The following NUBPL variants were observed in gnomAD, a reference collection of about 807,000 sequenced individuals.
NUBPL encodes NUBP iron-sulfur cluster assembly factor, mitochondrial, also known as iron-sulfur cluster transfer protein NUBPL.
NUBPL carries 31 observed loss-of-function variants against 45.7 expected under a neutral mutation model. The observed-to-expected ratio is 0.68, with a 90% CI of 0.51 to 0.92. NUBPL has a LOEUF of 0.92. Ranked by LOEUF, NUBPL falls within the 40% of genes least tolerant of loss-of-function variation. The pLI is 0.00. For synonymous variants in NUBPL, 144 were observed against 140.9 expected (o/e 1.02, Z -0.15); for missense variants, 401 against 398.7 (o/e 1.01, Z -0.05).
At chr14:31,612,923 C>G (rs1428408575) in intron 4 of NUBPL, among the ~76,000 whole-genome samples, 1 of 152,040 alleles carries the variant, frequency 6.6e-6, no homozygotes, top group East Asian at 1.9e-4. Context: ...ACCATATGAC[C>G]CAGCAATCCC....
chr14:31,573,103 A>G (rs556841830), intron 3 of NUBPL, among the ~76,000 whole-genome samples: 161 of 152,320 alleles, frequency 1.1e-3, no homozygotes, highest in African/African-American at 3.7e-3. Context: ...CAAGTAGCAC[A>G]GTAGGTTTGT....
chr14:31,698,558 T>G (rs1287636264), intron 6 of NUBPL, among the ~76,000 whole-genome samples: 1 of 152,188 alleles, frequency 6.6e-6, no homozygotes, highest in Non-Finnish European at 1.5e-5. Flanking sequence ...TCCTTGCTAC[T>G]TTTTAAAGCA....
intron 6 of NUBPL, among the ~76,000 whole-genome samples, chr14:31,711,793 G>T (rs966288920): frequency 6.6e-6 from 1 of 151,952 alleles, no homozygotes; most frequent in African/African-American, 2.4e-5. Flanking sequence ...CATTCCTTCC[G>T]GTGGGTTCAT....
At chr14:31,714,332 C>A (rs948594479) in intron 6 of NUBPL, among the ~76,000 whole-genome samples, 3 of 151,790 alleles carry the variant, frequency 2.0e-5, no homozygotes, top group Non-Finnish European at 4.4e-5. Flanking sequence ...GAAAAAAAAA[C>A]AACAACTTAG....
At chr14:31,613,169 T>C (rs1463812832) in intron 4 of NUBPL, among the ~76,000 whole-genome samples, 1 of 152,330 alleles carries the variant, frequency 6.6e-6, no homozygotes, top group East Asian at 1.9e-4. Context: ...GAGATCATTA[T>C]GTTAAATGAA....
rs557256646 is a variant in NUBPL, at chr14:31,660,387, G to A, written c.383-12968G>A. Among the ~76,000 whole-genome samples the A allele has an allele frequency of 4.7e-4, 71 of 152,180 alleles. 1 individual carries two copies. Among genetic ancestry groups the A allele is most frequent in the African/African-American group, 1.4e-3 (59 of 41,524 alleles). ...TTATGCATGTGACTCCTTTTCTTGC[G>A]TCTGATTTCTCATTAGAAAGGACCT... On this transcript the variant is annotated intron_variant, in intron 4 of 10. Transcript: ENST00000281081.
At chr14:31,804,197 A>G (rs2039643067) in intron 7 of NUBPL, among the ~76,000 whole-genome samples, 1 of 152,222 alleles carries the variant, frequency 6.6e-6, no homozygotes, top group South Asian at 2.1e-4. Context: ...GTACAGTCAA[A>G]TTAGTGAAAA....
At chr14:31,742,605 C>G (rs934565166) in intron 6 of NUBPL, among the ~76,000 whole-genome samples, 3 of 151,986 alleles carry the variant, frequency 2.0e-5, no homozygotes, top group African/African-American at 7.2e-5. Context: ...TAGGTTATCT[C>G]TTTTATTTAT....
intron 3 of NUBPL, among the ~76,000 whole-genome samples, chr14:31,595,396 C>T (rs568183611): frequency 2.3e-4 from 35 of 152,250 alleles, no homozygotes; most frequent in African/African-American, 7.9e-4. Flanking sequence ...TCAGACTTTA[C>T]AATAGTAAGT....
intron 4 of NUBPL, among the ~76,000 whole-genome samples, chr14:31,626,261 G>A (rs1464326701): frequency 2.6e-5 from 4 of 151,932 alleles, no homozygotes; most frequent in Admixed American, 1.3e-4. Flanking sequence ...GGGTTCAAGC[G>A]ATCCCCCTGC....
chr14:31,763,155 C>T lies in NUBPL; in HGVS notation c.514-24625C>T, dbSNP rs577061013. ...AGGTTACTGTTCTTGAAAGGGTGTACATTTTCTAGAAAGAATATAGGCTTT... is the reference window on the plus strand; with the variant it reads ...AGGTTACTGTTCTTGAAAGGGTGTATATTTTCTAGAAAGAATATAGGCTTT... On this transcript the variant is annotated intron_variant, in intron 6 of 10. Coordinates refer to ENST00000281081, the MANE Select transcript of NUBPL (RefSeq NM_025152.3). 1.2e-3 allele frequency among the ~76,000 whole-genome samples: 179 copies of T among 152,228 alleles called. 4 individuals are homozygous for T. In the Middle Eastern group the frequency reaches 0.027, roughly 23 times the overall value.
At chr14:31,810,265 G>A (rs1168352213) in intron 7 of NUBPL, among the ~76,000 whole-genome samples, 1 of 152,086 alleles carries the variant, frequency 6.6e-6, no homozygotes, top group Non-Finnish European at 1.5e-5. Context: ...TCTCTTTTTA[G>A]GTCTCTTGGG....
At chr14:31,581,016 T>C (rs1005016569) in intron 3 of NUBPL, among the ~76,000 whole-genome samples, 2 of 152,098 alleles carry the variant, frequency 1.3e-5, no homozygotes, top group Non-Finnish European at 2.9e-5. Context: ...GAATAGAGTA[T>C]AGGAGAATAA....
intron 4 of NUBPL, among the ~76,000 whole-genome samples, chr14:31,608,072 A>G (rs1211515131): frequency 1.3e-5 from 2 of 152,240 alleles, no homozygotes; most frequent in East Asian, 3.8e-4. Flanking sequence ...TTACAGGCCA[A>G]GAGAGAATGG....
At chr14:31,673,794 TTG>T in intron 6 of NUBPL, among the ~76,000 whole-genome samples, 1 of 152,192 alleles carries the variant, frequency 6.6e-6, no homozygotes, top group Non-Finnish European at 1.5e-5. Flanking sequence ...AAAAATTCTA[TTG>T]TCTTACTTAA....
At chr14:31,663,474 A>T (rs1216911890) in intron 4 of NUBPL, among the ~76,000 whole-genome samples, 2 of 152,150 alleles carry the variant, frequency 1.3e-5, no homozygotes, top group Non-Finnish European at 2.9e-5. Flanking sequence ...CAGTTTTCCC[A>T]ACACTGTTTA....
intron 6 of NUBPL, among the ~76,000 whole-genome samples, chr14:31,731,233 A>G (rs924208910): frequency 4.6e-5 from 7 of 152,246 alleles, no homozygotes; most frequent in African/African-American, 1.7e-4. Flanking sequence ...ACTGGGAGAT[A>G]GGTCAGAATA....
At position 31,755,525 on chromosome 14, in the gene NUBPL, G is replaced by A. The variant is rs1290379388; in HGVS notation, c.514-32255G>A. Among the ~76,000 whole-genome samples the A allele has an allele frequency of 3.3e-5, 5 of 151,812 alleles. No individual in the cohort carries two copies. The South Asian group carries it at 6.3e-4, about 19-fold the overall frequency. ...TGAGAAGTGTCTGTTCATGTCCTTC[G>A]CCCACTTTTTGATGGAGTTGTTTGT... On this transcript the variant is annotated intron_variant, in intron 6 of 10. Transcript: ENST00000281081.
At chr14:31,740,251 C>G (rs1396455249) in intron 6 of NUBPL, among the ~76,000 whole-genome samples, 1 of 152,046 alleles carries the variant, frequency 6.6e-6, no homozygotes, top group Non-Finnish European at 1.5e-5. Flanking sequence ...GTGGCTGTAC[C>G]AATTTGCATC....
Sources: gnomAD v4.1 joint callset for allele counts (sites outside exome capture counted in the v4.1 genomes callset) on GRCh38, gnomAD v4.1.1 for gene constraint, MANE v1.5 for transcripts, NCBI Gene and HGNC (gene_info 2026-07-23, HGNC 2026-07-21) for gene names.